The following EIF2S3B variants were observed in gnomAD, a reference collection of about 807,000 sequenced individuals.
EIF2S3B encodes eukaryotic translation initiation factor 2 subunit gamma B.
EIF2S3B carries 16 observed loss-of-function variants against 26.4 expected under a neutral mutation model. The ratio of observed to expected loss-of-function variants is 0.61; its 90% CI spans 0.41 to 0.92. EIF2S3B has a LOEUF of 0.92. Among genes scored for constraint, EIF2S3B ranks in the 40% least tolerant of loss-of-function variants. The pLI is 0.00. For missense variants in EIF2S3B, 510 were observed against 575.5 expected, an observed-to-expected ratio of 0.89 and a Z score of 1.16; for synonymous variants, 183 against 204.4, an observed-to-expected ratio of 0.90 and a Z score of 0.89.
At chr12:10,508,729 A>T (rs866748211), downstream of EIF2S3B, among the ~76,000 whole-genome samples, 4 of 151,952 alleles carry the variant, frequency 2.6e-5, no homozygotes. Context: ...GTGAATAATC[A>T]AATTTTTTCT....
chr12:10,507,431 G>C lies in EIF2S3B; in HGVS notation c.*110G>C, dbSNP rs948135526. The C allele has an allele frequency of 1.5e-6, 2 of 1,305,396 alleles. No individual in the cohort carries two copies. Among genetic ancestry groups the C allele is most frequent in the African/African-American group, 1.5e-5 (1 of 67,802 alleles). 80.9% of individuals were successfully genotyped at this position (1,305,396 alleles called of 1,614,324 possible). On this transcript the variant is annotated 3_prime_UTR_variant, in exon 1 of 1. Transcript: ENST00000538173. ...TATTGGGGAATTGATTTCACAGTTT[G>C]TTACCTTAGTAGGTAACGGTAAGGT...
chr12:10,511,403 T>C (rs1864703184), downstream of EIF2S3B, among the ~76,000 whole-genome samples: 1 of 152,108 alleles, frequency 6.6e-6, no homozygotes, highest in Non-Finnish European at 1.5e-5. Context: ...GTGATCTACC[T>C]GCATTAACCT....
At position 10,506,930 on chromosome 12, in the gene EIF2S3B, T is replaced by A. The variant is rs772798317; in HGVS notation, c.1028T>A (p.Ile343Asn). 7.4e-6 allele frequency: 12 copies of A among 1,613,736 alleles called. No homozygotes were observed. The highest frequency in any genetic ancestry group is 2.7e-5 in the African/African-American group (2 of 74,924). The change falls in exon 1 of 1, where the codon ATT becomes AAT. Residue 343 changes from isoleucine to asparagine, a missense_variant. By Grantham distance (149) the Ile-to-Asn change is moderately radical. Transcript: ENST00000538173. Reference sequence around the variant, plus strand: ...GGTCTTATTGGAGTTGGAACAAAAATTGACCCCACTTTGTGCCGGGCTGAC... The same window carrying A: ...GGTCTTATTGGAGTTGGAACAAAAAATGACCCCACTTTGTGCCGGGCTGAC... The part of the protein sequence containing the change: ...PGGLIGVGTK[I>N]DPTLCRADRM...
Position 10,506,189 on chromosome 12 carries a change from G to T in EIF2S3B, c.287G>T (p.Cys96Phe). 6.3e-7 allele frequency: 1 copy of T among 1,575,376 alleles called. No homozygotes were observed. The highest frequency in any genetic ancestry group is 1.1e-5 in the South Asian group (1 of 90,226). The change falls in exon 1 of 1, where the codon TGC (cysteine) becomes TTC (phenylalanine). Residue 96 changes from cysteine to phenylalanine, a missense_variant. By Grantham distance (205) the Cys-to-Phe change is radical (BLOSUM62 -2). Transcript: ENST00000538173. ...ATTTATCAACTTGATGACCCAAGTT[G>T]CCCTCGGCCAGAATGTTATCGATCT... ...AKIYQLDDPS[C>F]PRPECYRSCG...
downstream of EIF2S3B, among the ~76,000 whole-genome samples, chr12:10,509,900 G>A (rs1308650278): frequency 1.3e-5 from 2 of 151,974 alleles, no homozygotes. Flanking sequence ...AGAACAATGT[G>A]TATTTTTCAT....
intron 1 of EIF2S3B, among the ~76,000 whole-genome samples, chr12:10,516,669 G>A (rs1383616311): frequency 6.6e-6 from 1 of 151,664 alleles, no homozygotes. Flanking sequence ...TGGTGAGAGA[G>A]GGCATCCCTG....
chr12:10,523,060 G>T (rs1864849819), exon 2 of EIF2S3B: 1 of 152,890 alleles, frequency 6.5e-6, no homozygotes, highest in Non-Finnish European at 1.5e-5. Context: ...AAACTTGACT[G>T]TTAATTATGA....
rs1225115720 is a variant in EIF2S3B, at chr12:10,507,324, A to G, written c.*3A>G. 1.2e-6 allele frequency: 2 copies of G among 1,612,760 alleles called. No individual in the cohort carries two copies. The highest frequency in any genetic ancestry group is 4.5e-5 in the East Asian group (2 of 44,884). On this transcript the variant is annotated 3_prime_UTR_variant, in exon 1 of 1. Transcript: ENST00000538173. ...AGCCAACAGTAGATGATGACTGAAGAATACCGGTTAAATAATACATTCGGA... is the reference window on the plus strand; with the variant it reads ...AGCCAACAGTAGATGATGACTGAAGGATACCGGTTAAATAATACATTCGGA...
downstream of EIF2S3B, among the ~76,000 whole-genome samples, chr12:10,509,553 T>C (rs1236200017): frequency 6.6e-6 from 1 of 152,066 alleles, no homozygotes; most frequent in Admixed American, 6.5e-5. Flanking sequence ...CTTTCTAGTA[T>C]ATTTGGTATA....
intron 1 of EIF2S3B, among the ~76,000 whole-genome samples, chr12:10,515,288 T>A (rs1399235494): frequency 6.6e-6 from 1 of 151,808 alleles, no homozygotes; most frequent in Admixed American, 6.6e-5. Context: ...AGCAGTATTT[T>A]ATATTTCAAT....
chr12:10,508,804 G>GA (rs898551211), downstream of EIF2S3B, among the ~76,000 whole-genome samples: 7 of 151,544 alleles, frequency 4.6e-5, no homozygotes, highest in African/African-American at 1.5e-4. Flanking sequence ...TAGACTCATA[G>GA]AAAAAAAATT....
Position 10,506,632 on chromosome 12 carries a change from C to T in EIF2S3B, c.730C>T (p.Pro244Ser), listed in dbSNP as rs577710130. 1.2e-6 allele frequency: 2 copies of T among 1,612,620 alleles called. No individual in the cohort carries two copies. The highest frequency in any genetic ancestry group is 2.2e-5 in the East Asian group (1 of 44,878). Reference protein sequence around the residue: ...VVCEYIVKKIPVPPRDFTSEP... With the variant: ...VVCEYIVKKISVPPRDFTSEP... ...TTGTGAGTACATAGTAAAGAAAATT[C>T]CAGTACCCCCAAGAGACTTTACTTC... is the stretch of plus-strand genomic sequence containing the variant. Residue 244 changes from proline to serine, a missense_variant, in exon 1 of 1, where the codon CCA (proline) becomes TCA (serine). Coordinates refer to ENST00000538173, the MANE Select transcript of EIF2S3B (RefSeq NM_001357734.3).
At chr12:10,510,672 C>A (rs1864695853), downstream of EIF2S3B, among the ~76,000 whole-genome samples, 1 of 152,120 alleles carries the variant, frequency 6.6e-6, no homozygotes, top group Non-Finnish European at 1.5e-5. Flanking sequence ...TGCCGAAAGT[C>A]TGTATGTTGG....
downstream of EIF2S3B, among the ~76,000 whole-genome samples, chr12:10,508,525 CAAAAA>C: frequency 0.051 from 3,231 of 63,190 alleles, 42 homozygotes; most frequent in African/African-American, 0.17. Flanking sequence ...TGTTAGAAAG[CAAAAA>C]AAAAAAAAAA....
Position 10,507,465 on chromosome 12 carries a change from C to CTTT in EIF2S3B, c.*153_*155dup. On this transcript the variant is annotated 3_prime_UTR_variant, in exon 1 of 1. Transcript: ENST00000538173. Reference sequence around the variant, plus strand: ...GTAGGTAACGGTAAGGTTATTCTCTCTTTTTTTTTTTGGTTATGAAAACTT... The same window carrying CTTT: ...GTAGGTAACGGTAAGGTTATTCTCTCTTTTTTTTTTTTTTGGTTATGAAAACTT... The CTTT allele has an allele frequency of 4.1e-6, 3 of 723,604 alleles. No individual in the cohort carries two copies. Among genetic ancestry groups the CTTT allele is most frequent in the Non-Finnish European group, 6.2e-6 (3 of 485,148 alleles). 44.8% of individuals were successfully genotyped at this position (723,604 alleles called of 1,614,324 possible). A position where few individuals can be genotyped will look rare whatever the true frequency, so the allele number is the denominator to read the frequency against.
rs1448941241 is a variant in EIF2S3B, at chr12:10,507,582, T to C, written c.*261T>C. On this transcript the variant is annotated 3_prime_UTR_variant, in exon 1 of 1. Transcript: ENST00000538173. ...GCATTCCCACATAATGTCAAAATTA[T>C]ACATTATGCAGTTTTTTTGTTTGTT... The C allele has an allele frequency of 5.2e-6, 3 of 572,858 alleles. No homozygotes were observed. The highest frequency in any genetic ancestry group is 2.3e-5 in the South Asian group (1 of 42,694). The allele number at this position is 572,858 out of a possible 1,614,324, so 35.5% of individuals were successfully genotyped here.
chr12:10,517,768 A>T (rs997969873), intron 1 of EIF2S3B, among the ~76,000 whole-genome samples: 1 of 152,184 alleles, frequency 6.6e-6, no homozygotes, highest in African/African-American at 2.4e-5. Context: ...ATTTCCCTGT[A>T]CACACTGCTT....
exon 2 of EIF2S3B, chr12:10,522,706 C>A (rs1354422929): frequency 5.8e-6 from 4 of 685,102 alleles, no homozygotes; most frequent in Non-Finnish European, 1.1e-5. Flanking sequence ...GAAATCATTT[C>A]TTTCTTTAAA....
chr12:10,511,050 G>C (rs1864699888), downstream of EIF2S3B, among the ~76,000 whole-genome samples: 1 of 151,954 alleles, frequency 6.6e-6, no homozygotes, highest in African/African-American at 2.4e-5. Flanking sequence ...TAAAAGCCCT[G>C]CCAAAGATCA....
Sources: allele counts gnomAD v4.1 joint callset (sites outside exome capture counted in the v4.1 genomes callset), GRCh38; gene constraint gnomAD v4.1.1; transcripts MANE v1.5; gene names NCBI Gene and HGNC (gene_info 2026-07-23, HGNC 2026-07-21).